The following RCAN1 variants were observed in gnomAD, a reference collection of about 807,000 sequenced individuals.
RCAN1 encodes regulator of calcineurin 1, also known as calcipressin-1.
Under a neutral mutation model 22.9 loss-of-function variants are expected in RCAN1, and 11 were observed. The ratio of observed to expected loss-of-function variants is 0.48; its 90% CI spans 0.30 to 0.79. The LOEUF (loss-of-function observed/expected upper bound fraction) is 0.79, where lower values mean the gene tolerates loss of function less well. Ranked by LOEUF, RCAN1 falls within the 30% of genes least tolerant of loss-of-function variation. RCAN1 has a pLI of 0.06. For missense variants in RCAN1, 291 were observed against 337.8 expected (o/e 0.86, Z 1.09); for synonymous variants, 136 against 142.3 (o/e 0.96, Z 0.32).
intron 1 of RCAN1, among the ~76,000 whole-genome samples, chr21:34,603,552 C>T (rs922905870): frequency 5.9e-5 from 9 of 152,134 alleles, no homozygotes; most frequent in Non-Finnish European, 1.2e-4. Flanking sequence ...ATTTCGTCAC[C>T]CTTCTCAGCA....
At chr21:34,595,117 C>A (rs557306689) in intron 1 of RCAN1, among the ~76,000 whole-genome samples, 1 of 152,328 alleles carries the variant, frequency 6.6e-6, no homozygotes, top group South Asian at 2.1e-4. Context: ...GCCATACTTA[C>A]AGCAGCACCT....
At chr21:34,555,254 C>T (rs1052520277) in intron 1 of RCAN1, among the ~76,000 whole-genome samples, 11 of 152,162 alleles carry the variant, frequency 7.2e-5, no homozygotes, top group Non-Finnish European at 1.0e-4. Flanking sequence ...AACGCAAACA[C>T]GCTAATTATA....
At chr21:34,580,481 T>C (rs1266765825) in intron 1 of RCAN1, among the ~76,000 whole-genome samples, 1 of 152,228 alleles carries the variant, frequency 6.6e-6, no homozygotes, top group East Asian at 1.9e-4. Flanking sequence ...TGTTAAAATA[T>C]CACCACAGCT....
intron 1 of RCAN1, among the ~76,000 whole-genome samples, chr21:34,585,429 A>G (rs1987755442): frequency 6.6e-6 from 1 of 152,172 alleles, no homozygotes; most frequent in Admixed American, 6.5e-5. Context: ...GTAGAGGGGG[A>G]AAATGAAACA....
chr21:34,600,365 A>G (rs1255928843), intron 1 of RCAN1, among the ~76,000 whole-genome samples: 2 of 152,090 alleles, frequency 1.3e-5, no homozygotes, highest in South Asian at 4.2e-4. Flanking sequence ...ATGACCAGCC[A>G]CCTCCTAGCA....
At chr21:34,525,609 C>T (rs1984991211) in intron 1 of RCAN1, 1 of 398,546 alleles carries the variant, frequency 2.5e-6, no homozygotes, top group Non-Finnish European at 4.4e-6. Flanking sequence ...AGGTTCAGGG[C>T]TTAGGACCAG....
At chr21:34,560,390 T>A (rs1021433287) in intron 1 of RCAN1, among the ~76,000 whole-genome samples, 1 of 152,206 alleles carries the variant, frequency 6.6e-6, no homozygotes, top group Non-Finnish European at 1.5e-5. Context: ...GAAAGCAGGA[T>A]CTTACTTTAT....
At chr21:34,556,429 AAAT>A (rs56236946) in intron 1 of RCAN1, among the ~76,000 whole-genome samples, 53,273 of 145,356 alleles carry the variant, frequency 0.37, 10,187 homozygotes, top group South Asian at 0.46. Flanking sequence ...TTGTCTCAAA[AAAT>A]AATAATAATA....
chr21:34,601,377 C>T (rs1178566664), intron 1 of RCAN1, among the ~76,000 whole-genome samples: 1 of 152,130 alleles, frequency 6.6e-6, no homozygotes, highest in Admixed American at 6.5e-5. Flanking sequence ...GACCTAAGTG[C>T]AGAGAAGTTA....
chr21:34,544,194 G>A (rs559470074), intron 1 of RCAN1, among the ~76,000 whole-genome samples: 15 of 152,320 alleles, frequency 9.8e-5, no homozygotes, highest in Non-Finnish European at 1.3e-4. Context: ...GCATGATCCC[G>A]GGACTCTGTG....
intron 3 of RCAN1, among the ~76,000 whole-genome samples, chr21:34,520,457 G>A (rs1417586008): frequency 6.6e-6 from 1 of 152,224 alleles, no homozygotes; most frequent in African/African-American, 2.4e-5. Flanking sequence ...TTAGCAGTAA[G>A]TAATGTGAGT....
At chr21:34,605,196 G>C (rs1186165655) in intron 1 of RCAN1, among the ~76,000 whole-genome samples, 1 of 152,214 alleles carries the variant, frequency 6.6e-6, no homozygotes, top group Non-Finnish European at 1.5e-5. Context: ...CAGAATAAAA[G>C]CAGGCAGAAG....
At chr21:34,568,882 T>C (rs1421047934) in intron 1 of RCAN1, among the ~76,000 whole-genome samples, 1 of 152,232 alleles carries the variant, frequency 6.6e-6, no homozygotes, top group Non-Finnish European at 1.5e-5. Context: ...TTAATTGGAC[T>C]TACAGTTCCA....
At chr21:34,612,169 G>T (rs1053447441) in intron 1 of RCAN1, among the ~76,000 whole-genome samples, 1 of 152,082 alleles carries the variant, frequency 6.6e-6, no homozygotes, top group Non-Finnish European at 1.5e-5. Flanking sequence ...AGGTCTCCTT[G>T]CTTCCTCTCT....
At chr21:34,590,628 C>T (rs1172979372) in intron 1 of RCAN1, among the ~76,000 whole-genome samples, 1 of 152,192 alleles carries the variant, frequency 6.6e-6, no homozygotes, top group African/African-American at 2.4e-5. Context: ...ACCTGGTGCC[C>T]TTACTGGGTC....
intron 1 of RCAN1, among the ~76,000 whole-genome samples, chr21:34,575,152 G>T (rs1987370498): frequency 1.3e-5 from 2 of 152,198 alleles, no homozygotes; most frequent in South Asian, 4.1e-4. Context: ...TGGTCCTGGG[G>T]TTTCTCAGAG....
chr21:34,537,382 T>C (rs957927062), intron 1 of RCAN1, among the ~76,000 whole-genome samples: 3 of 152,244 alleles, frequency 2.0e-5, no homozygotes, highest in Non-Finnish European at 2.9e-5. Flanking sequence ...CCCATTAACA[T>C]TGACGGAAAA....
At chr21:34,566,965 C>T (rs1305058337) in intron 1 of RCAN1, among the ~76,000 whole-genome samples, 3 of 152,142 alleles carry the variant, frequency 2.0e-5, no homozygotes, top group Non-Finnish European at 4.4e-5. Context: ...TTGACCCAAA[C>T]ATCTCCCACC....
intron 1 of RCAN1, among the ~76,000 whole-genome samples, chr21:34,577,843 G>A (rs190437255): frequency 1.3e-5 from 2 of 152,154 alleles, no homozygotes; most frequent in African/African-American, 2.4e-5. Context: ...GAGAGGGAAG[G>A]TGCCAACAAT....
Sources: allele counts gnomAD v4.1 joint callset (sites outside exome capture counted in the v4.1 genomes callset), GRCh38; gene constraint gnomAD v4.1.1; transcripts MANE v1.5; gene names NCBI Gene and HGNC (gene_info 2026-07-23, HGNC 2026-07-21).